MIA2: variants seen among roughly 807,000 people sequenced by gnomAD.
The protein encoded by MIA2 is melanoma inhibitory activity protein 2.
MIA2 carries 127 observed loss-of-function variants against 167.8 expected under a neutral mutation model. That is an observed-to-expected ratio of 0.76 (90% CI 0.66 to 0.88). The LOEUF (loss-of-function observed/expected upper bound fraction) is 0.88, where lower values mean the gene tolerates loss of function less well. Among genes scored for constraint, MIA2 ranks in the 40% least tolerant of loss-of-function variants. The pLI is 0.00. For missense variants in MIA2, 1,690 were observed against 1,624.7 expected (o/e 1.04, Z -0.69); for synonymous variants, 552 against 541.9 (o/e 1.02, Z -0.26).
intron 6 of MIA2, 118 bp from the exon 7 acceptor site, chr14:39,276,816 G>T: frequency 9.7e-7 from 1 of 1,036,256 alleles, no homozygotes. Context: ...GATACTTTCT[G>T]TTTGGTGTTA....
At position 39,278,354 on chromosome 14, in the gene MIA2, A is replaced by G. The variant is rs111575775; in HGVS notation, c.2020-983A>G. ...CTGACTTCCCTATCTCTTAACTTCTATTTTTCAATTTCTTTATGGTTTTCT... is the reference window on the plus strand; with the variant it reads ...CTGACTTCCCTATCTCTTAACTTCTGTTTTTCAATTTCTTTATGGTTTTCT... On this transcript the variant is annotated intron_variant, in intron 7 of 28. Coordinates refer to ENST00000640607, the MANE Select transcript of MIA2 (RefSeq NM_001329214.4). 3.1e-3 allele frequency among the ~76,000 whole-genome samples: 476 copies of G among 152,004 alleles called. 4 individuals carry two copies. The highest frequency in any genetic ancestry group is 0.011 in the African/African-American group (437 of 41,458).
At chr14:39,382,112 CTGCTCTCCA>C (rs1221105885) in intron 23 of MIA2, among the ~76,000 whole-genome samples, 2 of 152,198 alleles carry the variant, frequency 1.3e-5, no homozygotes, top group Non-Finnish European at 2.9e-5. Flanking sequence ...AAGATACTGC[CTGCTCTCCA>C]TCGTCAGGGA....
At chr14:39,299,761 G>T in intron 13 of MIA2, 103 bp from the exon 14 acceptor site, 1 of 1,223,890 alleles carries the variant, frequency 8.2e-7, no homozygotes. Context: ...TTTGAAAATA[G>T]GAGCCATGTT....
At chr14:39,356,507 C>A (rs530759304) in intron 23 of MIA2, among the ~76,000 whole-genome samples, 19 of 152,220 alleles carry the variant, frequency 1.2e-4, no homozygotes, top group Admixed American at 1.2e-3. Context: ...AAAACTAGCT[C>A]CTGGATTCAC....
downstream of MIA2, among the ~76,000 whole-genome samples, chr14:39,356,031 C>T (rs2074515409): frequency 6.6e-6 from 1 of 152,184 alleles, no homozygotes; most frequent in Non-Finnish European, 1.5e-5. Flanking sequence ...TGTTGTGTCT[C>T]TGCCAGGCTT....
intron 25 of MIA2, among the ~76,000 whole-genome samples, chr14:39,334,768 A>T (rs956720025): frequency 2.0e-5 from 3 of 152,066 alleles, no homozygotes; most frequent in Admixed American, 6.5e-5. Context: ...GGGTTTCACC[A>T]TGTTGGCCAG....
chr14:39,296,262 C>T (rs1381726326), intron 13 of MIA2, among the ~76,000 whole-genome samples: 4 of 151,980 alleles, frequency 2.6e-5, no homozygotes, highest in African/African-American at 9.7e-5. Flanking sequence ...ACTTACATGC[C>T]TGGAAATGTC....
rs545130481 is a variant in MIA2 at position 39,288,196 on chromosome 14, G to A, written c.2131-2823G>A. On this transcript the variant is annotated intron_variant, in intron 9 of 28. Coordinates refer to ENST00000640607, the MANE Select transcript of MIA2 (RefSeq NM_001329214.4). ...ATGATGTTGGGCTGGACGTGAGGGT[G>A]TGTGCCTATAGTCCCACCTACTTGG... is the stretch of plus-strand genomic sequence containing the variant. Among the ~76,000 whole-genome samples the A allele has an allele frequency of 4.0e-4, 61 of 151,982 alleles. 1 individual carries two copies. Among genetic ancestry groups the A allele is most frequent in the African/African-American group, 1.4e-3 (58 of 41,450 alleles).
intron 6 of MIA2, among the ~76,000 whole-genome samples, chr14:39,257,520 G>T (rs2054874841): frequency 7.2e-6 from 1 of 138,748 alleles, no homozygotes; most frequent in South Asian, 2.2e-4. Context: ...ACACTGATGG[G>T]TCTTGACTCT....
intron 3 of MIA2, among the ~76,000 whole-genome samples, chr14:39,245,439 G>C (rs1225388964): frequency 6.6e-6 from 1 of 151,960 alleles, no homozygotes; most frequent in Non-Finnish European, 1.5e-5. Context: ...ATGAATTTTT[G>C]TTGGGCCACA....
chr14:39,302,333 C>T, intron 15 of MIA2, 84 bp downstream of exon 15: 1 of 1,447,408 alleles, frequency 6.9e-7, no homozygotes, highest in Admixed American at 1.8e-5. Flanking sequence ...GCACCATGTT[C>T]TTTATATGCT....
intron 14 of MIA2, among the ~76,000 whole-genome samples, chr14:39,300,305 G>A (rs920501619): frequency 1.8e-4 from 28 of 152,218 alleles, no homozygotes; most frequent in African/African-American, 5.8e-4. Context: ...GAGGTTGGAA[G>A]AGTTTGAGAA....
Position 39,290,416 on chromosome 14 carries a change from T to C in MIA2, c.2131-603T>C, listed in dbSNP as rs371367692. 8.5e-5 allele frequency among the ~76,000 whole-genome samples: 13 copies of C among 152,290 alleles called. 1 individual carries two copies. In the East Asian group the frequency reaches 1.9e-3, roughly 23 times the overall value. On this transcript the variant is annotated intron_variant, in intron 9 of 28. Coordinates refer to ENST00000640607, the MANE Select transcript of MIA2 (RefSeq NM_001329214.4). The stretch of plus-strand genomic sequence containing the variant: ...CAACGTAGTCTTCAATTTGATCACT[T>C]TTTTTGAATAATTGAAGTGCATTTT...
intron 23 of MIA2, among the ~76,000 whole-genome samples, chr14:39,383,692 T>C (rs2075214211): frequency 6.6e-6 from 1 of 152,232 alleles, no homozygotes; most frequent in Non-Finnish European, 1.5e-5. Context: ...TGCTACTTCA[T>C]TGAACACATG....
chr14:39,371,615 G>A (rs1274819225), intron 23 of MIA2, among the ~76,000 whole-genome samples: 4 of 152,192 alleles, frequency 2.6e-5, no homozygotes, highest in African/African-American at 7.2e-5. Context: ...TGGGTTTTTT[G>A]TGTAATAGGA....
chr14:39,237,372 C>A (rs988690833), intron 2 of MIA2: 7 of 315,494 alleles, frequency 2.2e-5, no homozygotes, highest in Middle Eastern at 5.2e-4. Flanking sequence ...AAGTAATCTG[C>A]CTGCTTCGGC....
chr14:39,260,033 T>A (rs1249514798), intron 6 of MIA2, among the ~76,000 whole-genome samples: 1 of 152,212 alleles, frequency 6.6e-6, no homozygotes, highest in Non-Finnish European at 1.5e-5. Flanking sequence ...GCAAAGGACA[T>A]GAACTCACCC....
chr14:39,385,859 G>A (rs775830473), intron 23 of MIA2: 53 of 965,432 alleles, frequency 5.5e-5, no homozygotes, highest in Non-Finnish European at 7.3e-5. Flanking sequence ...CCTCTCCCCC[G>A]CATGCCCCGT....
intron 23 of MIA2, among the ~76,000 whole-genome samples, chr14:39,357,953 T>C (rs992839820): frequency 6.6e-6 from 1 of 152,230 alleles, no homozygotes; most frequent in Non-Finnish European, 1.5e-5. Context: ...CCTTTGTGGG[T>C]AACCCGACCT....
Sources: gnomAD v4.1 joint callset for allele counts (sites outside exome capture counted in the v4.1 genomes callset) on GRCh38, gnomAD v4.1.1 for gene constraint, MANE v1.5 for transcripts, NCBI Gene and HGNC (gene_info 2026-07-23, HGNC 2026-07-21) for gene names.